Variants in ANKRD31 observed in about 807,000 individuals in gnomAD.
ANKRD31 encodes the protein ankyrin repeat domain-containing protein 31.
ANKRD31 carries 147 observed loss-of-function variants against 186.0 expected under a neutral mutation model. The observed-to-expected ratio is 0.79, with a 90% confidence interval of 0.69 to 0.91. The LOEUF is 0.91. Among genes scored for constraint, ANKRD31 ranks in the 40% least tolerant of loss-of-function variants. ANKRD31 has a pLI of 0.00. For missense variants in ANKRD31, 1,986 were observed against 2,148.8 expected (o/e 0.92, Z 1.50); for synonymous variants, 673 against 736.4 (o/e 0.91, Z 1.39).
Position 75,192,668 on chromosome 5 carries a change from T to G in ANKRD31, c.1407A>C (p.Lys469Asn). 1 of 1,507,336 alleles carries G rather than the reference T, an allele frequency of 6.6e-7. No homozygotes were observed. 93.4% of individuals were successfully genotyped at this position (1,507,336 alleles called of 1,614,324 possible). The part of the protein sequence containing the change: ...IRKNEQFSGK[K>N]EKMKVNKISL... ...AAAAATACTCAAAATATGCATCACC[T>G]TTTTTTCCTGAAAATTGTTCATTTT... The change falls in exon 9 of 26, where the codon AAA (lysine) becomes AAC (asparagine). Residue 469 changes from lysine to asparagine, a missense_variant and splice_region_variant. Physicochemically the swap from Lys to Asn is moderately conservative, Grantham distance 94 (BLOSUM62 0). Transcript: ENST00000506364.
At chr5:75,107,101 T>C (rs1747386777) in intron 21 of ANKRD31, among the ~76,000 whole-genome samples, 1 of 151,954 alleles carries the variant, frequency 6.6e-6, no homozygotes, top group Admixed American at 6.6e-5. Context: ...TTTAAGGACC[T>C]TGAGATTTTA....
chr5:75,236,745 A>C lies in ANKRD31; in HGVS notation c.-59T>G. The C allele has an allele frequency of 1.0e-5, 14 of 1,341,422 alleles. No homozygotes were observed. The highest frequency in any genetic ancestry group is 2.5e-5 in the Admixed American group (1 of 40,002). The allele number at this position is 1,341,422 out of a possible 1,614,324, so 83.1% of individuals were successfully genotyped here. On this transcript the variant is annotated 5_prime_UTR_variant, in exon 1 of 26. Coordinates refer to ENST00000506364, the MANE Select transcript of ANKRD31 (RefSeq NM_001372053.1). ...CTCTAACTCCCTCTTGCCCGCAAAC[A>C]AAAAAACGCTTTGAGGGCCAGGGGA...
At chr5:75,130,671 C>T (rs1303795921) in intron 17 of ANKRD31, among the ~76,000 whole-genome samples, 1 of 152,180 alleles carries the variant, frequency 6.6e-6, no homozygotes, top group Non-Finnish European at 1.5e-5. Context: ...CATTTACAAA[C>T]CTTTAGCTAG....
intron 17 of ANKRD31, among the ~76,000 whole-genome samples, chr5:75,137,204 AAAAC>A (rs1750658092): frequency 6.6e-6 from 1 of 152,184 alleles, no homozygotes; most frequent in African/African-American, 2.4e-5. Context: ...ATTTTATTAT[AAAAC>A]AAATAGTAAC....
At chr5:75,116,209 T>C (rs1748239972) in intron 19 of ANKRD31, among the ~76,000 whole-genome samples, 1 of 130,294 alleles carries the variant, frequency 7.7e-6, no homozygotes, top group Admixed American at 9.6e-5. Context: ...AATTGAACAA[T>C]GAGAACACAT....
At chr5:75,218,221 G>C (rs6870950) in intron 3 of ANKRD31, among the ~76,000 whole-genome samples, 7,430 of 152,114 alleles carry the variant, frequency 0.049, 393 homozygotes, top group African/African-American at 0.13. Context: ...GAAGAAAAGA[G>C]AGAAGATCCA....
intron 23 of ANKRD31, among the ~76,000 whole-genome samples, chr5:75,086,231 G>A (rs1745470849): frequency 6.6e-6 from 1 of 152,118 alleles, no homozygotes; most frequent in Non-Finnish European, 1.5e-5. Context: ...ATATTCCACT[G>A]CAGGTAATTC....
chr5:75,095,614 C>T (rs1039096779), intron 22 of ANKRD31, among the ~76,000 whole-genome samples: 1 of 152,202 alleles, frequency 6.6e-6, no homozygotes, highest in African/African-American at 2.4e-5. Flanking sequence ...AATCACACTG[C>T]ATATGCTACC....
intron 23 of ANKRD31, among the ~76,000 whole-genome samples, chr5:75,087,928 T>C (rs1228076044): frequency 2.0e-5 from 3 of 152,188 alleles, no homozygotes; most frequent in African/African-American, 2.4e-5. Flanking sequence ...CAACACTCTA[T>C]GTAGCTAGAC....
At chr5:75,140,680 G>A (rs888140425) in intron 15 of ANKRD31, among the ~76,000 whole-genome samples, 1 of 152,182 alleles carries the variant, frequency 6.6e-6, no homozygotes, top group African/African-American at 2.4e-5. Flanking sequence ...CAGACTTGCT[G>A]TATTGCCTTC....
At chr5:75,194,909 T>A (rs763390560) in intron 7 of ANKRD31, among the ~76,000 whole-genome samples, 2 of 152,168 alleles carry the variant, frequency 1.3e-5, no homozygotes, top group Non-Finnish European at 2.9e-5. Flanking sequence ...TGTTACCATA[T>A]TATTATGTAA....
At chr5:75,142,087 T>C (rs1017124844) in intron 15 of ANKRD31, among the ~76,000 whole-genome samples, 1 of 152,186 alleles carries the variant, frequency 6.6e-6, no homozygotes, top group Non-Finnish European at 1.5e-5. Context: ...TTAATAAGTA[T>C]AATGCTATTA....
At chr5:75,095,672 T>C (rs570536786) in intron 22 of ANKRD31, among the ~76,000 whole-genome samples, 1 of 152,330 alleles carries the variant, frequency 6.6e-6, no homozygotes, top group African/African-American at 2.4e-5. Context: ...ATTGCAAGGC[T>C]TGGGTTTGAG....
intron 25 of ANKRD31, among the ~76,000 whole-genome samples, chr5:75,080,275 C>A (rs1475412121): frequency 6.6e-6 from 1 of 152,108 alleles, no homozygotes; most frequent in Non-Finnish European, 1.5e-5. Context: ...TCTTTTAAAT[C>A]ACGTTCATGC....
intron 17 of ANKRD31, among the ~76,000 whole-genome samples, chr5:75,124,084 A>C (rs1387046031): frequency 6.6e-6 from 1 of 152,160 alleles, no homozygotes; most frequent in African/African-American, 2.4e-5. Flanking sequence ...ACTCAACAAC[A>C]ATAACAAAAC....
chr5:75,126,396 C>T (rs150527188), intron 17 of ANKRD31, among the ~76,000 whole-genome samples: 1 of 152,020 alleles, frequency 6.6e-6, no homozygotes, highest in Non-Finnish European at 1.5e-5. Context: ...GACCAGAGAA[C>T]GTGACACTGC....
intron 9 of ANKRD31, 115 bp downstream of exon 9, chr5:75,192,552 G>A: frequency 1.2e-6 from 1 of 806,106 alleles, no homozygotes; most frequent in Non-Finnish European, 1.9e-6. Flanking sequence ...TAACCTATCT[G>A]AAATTCAGTT....
At chr5:75,139,304 G>A (rs921851112) in intron 15 of ANKRD31, among the ~76,000 whole-genome samples, 3 of 152,026 alleles carry the variant, frequency 2.0e-5, no homozygotes, top group Admixed American at 6.6e-5. Flanking sequence ...TTTTTCTCAA[G>A]ATAACTGAGA....
chr5:75,149,053 T>C (rs7705012), intron 12 of ANKRD31, among the ~76,000 whole-genome samples: 40,716 of 151,788 alleles, frequency 0.27, 5,687 homozygotes, highest in South Asian at 0.4. Flanking sequence ...AATTGAATGC[T>C]GCATTCTCTT....
Sources: allele counts gnomAD v4.1 joint callset (sites outside exome capture counted in the v4.1 genomes callset), GRCh38; gene constraint gnomAD v4.1.1; transcripts MANE v1.5; gene names NCBI Gene and HGNC (gene_info 2026-07-23, HGNC 2026-07-21).